ADGRL3: variants seen among roughly 807,000 people sequenced by gnomAD.
The protein encoded by ADGRL3 is adhesion G protein-coupled receptor L3.
A neutral mutation model predicts 153.5 loss-of-function variants in ADGRL3; 62 were observed. That is an observed-to-expected ratio of 0.40 (90% CI 0.33 to 0.50). The LOEUF is 0.50. Ranked by LOEUF, ADGRL3 falls within the 20% of genes least tolerant of loss-of-function variation. The pLI is 0.47. For missense variants in ADGRL3, 1,641 were observed against 1,859.4 expected, an observed-to-expected ratio of 0.88 and a Z score of 2.16; for synonymous variants, 710 against 672.5, an observed-to-expected ratio of 1.06 and a Z score of -0.86.
At chr4:61,303,995 T>C (rs143799917) in intron 1 of ADGRL3, among the ~76,000 whole-genome samples, 8 of 152,326 alleles carry the variant, frequency 5.3e-5, no homozygotes, top group African/African-American at 1.9e-4. Flanking sequence ...ATAGATACCT[T>C]GTTTTTTCAA....
intron 9 of ADGRL3, among the ~76,000 whole-genome samples, chr4:61,860,900 C>T (rs914730569): frequency 6.6e-6 from 1 of 152,148 alleles, no homozygotes; most frequent in African/African-American, 2.4e-5. Context: ...AGTGATAGAG[C>T]CAGGATAGGA....
chr4:61,778,853 T>C (rs1561235838), intron 8 of ADGRL3, among the ~76,000 whole-genome samples: 2 of 151,456 alleles, frequency 1.3e-5, no homozygotes, highest in Non-Finnish European at 2.9e-5. Flanking sequence ...AGGTCAGGAG[T>C]TCAAGACCAG....
chr4:61,716,535 T>C (rs1217052364), intron 6 of ADGRL3, among the ~76,000 whole-genome samples: 1 of 152,150 alleles, frequency 6.6e-6, no homozygotes, highest in African/African-American at 2.4e-5. Flanking sequence ...ATAATTTTTC[T>C]GGTAGTAAAT....
chr4:61,523,824 A>G (rs1436398330), intron 4 of ADGRL3, among the ~76,000 whole-genome samples: 1 of 152,056 alleles, frequency 6.6e-6, no homozygotes, highest in Non-Finnish European at 1.5e-5. Context: ...TACAATTTAT[A>G]TTCCCTCTTT....
intron 4 of ADGRL3, among the ~76,000 whole-genome samples, chr4:61,580,485 A>G (rs2098919757): frequency 6.6e-6 from 1 of 152,084 alleles, no homozygotes. Context: ...TTCAGTGTCA[A>G]TTCTTTAAAC....
intron 5 of ADGRL3, among the ~76,000 whole-genome samples, chr4:61,665,676 T>C (rs1470407309): frequency 6.6e-6 from 1 of 152,188 alleles, no homozygotes. Context: ...TAAGAAACTT[T>C]TATTTACATT....
chr4:61,381,597 G>A (rs1376216523), intron 1 of ADGRL3, among the ~76,000 whole-genome samples: 1 of 151,650 alleles, frequency 6.6e-6, no homozygotes, highest in Admixed American at 6.6e-5. Context: ...AGTCATGCTT[G>A]GATGTCAGAA....
At chr4:61,853,209 C>A (rs890137758) in intron 9 of ADGRL3, among the ~76,000 whole-genome samples, 1 of 152,052 alleles carries the variant, frequency 6.6e-6, no homozygotes, top group Admixed American at 6.6e-5. Flanking sequence ...CCATTAGAGG[C>A]CCCACTTTGG....
At chr4:61,726,649 C>T (rs1166357778) in intron 6 of ADGRL3, among the ~76,000 whole-genome samples, 2 of 151,982 alleles carry the variant, frequency 1.3e-5, no homozygotes, top group Non-Finnish European at 2.9e-5. Context: ...CCCAACTGCC[C>T]AGCTGCCATG....
chr4:61,240,864 A>G (rs1292122233), intron 1 of ADGRL3, among the ~76,000 whole-genome samples: 3 of 152,068 alleles, frequency 2.0e-5, no homozygotes, highest in Admixed American at 6.6e-5. Context: ...GGGACATAGG[A>G]CATGCTTGAT....
At chr4:61,863,948 C>G (rs2098375347) in intron 9 of ADGRL3, among the ~76,000 whole-genome samples, 1 of 152,106 alleles carries the variant, frequency 6.6e-6, no homozygotes, top group Non-Finnish European at 1.5e-5. Flanking sequence ...AAGGTTTGGT[C>G]AGAATTGATT....
chr4:61,297,390 C>T (rs1008645526), intron 1 of ADGRL3, among the ~76,000 whole-genome samples: 2 of 152,048 alleles, frequency 1.3e-5, no homozygotes, highest in Non-Finnish European at 2.9e-5. Flanking sequence ...TTGCCGATTT[C>T]AGTCTTTATC....
chr4:61,577,730 T>C (rs1327971556), intron 4 of ADGRL3, among the ~76,000 whole-genome samples: 1 of 151,656 alleles, frequency 6.6e-6, no homozygotes, highest in Non-Finnish European at 1.5e-5. Flanking sequence ...GGAGGATCAC[T>C]TGAGACCAGG....
chr4:61,516,962 T>C (rs1229450245), intron 3 of ADGRL3, among the ~76,000 whole-genome samples: 1 of 152,100 alleles, frequency 6.6e-6, no homozygotes, highest in Non-Finnish European at 1.5e-5. Flanking sequence ...TTAATTTACA[T>C]TAGAGTGCTG....
At chr4:61,743,667 C>T (rs1425745822) in intron 8 of ADGRL3, among the ~76,000 whole-genome samples, 1 of 152,110 alleles carries the variant, frequency 6.6e-6, no homozygotes, top group Non-Finnish European at 1.5e-5. Flanking sequence ...CCACTGAGGG[C>T]CATGGGTAGT....
At chr4:61,294,058 C>T (rs533627973) in intron 1 of ADGRL3, among the ~76,000 whole-genome samples, 12 of 152,262 alleles carry the variant, frequency 7.9e-5, no homozygotes, top group South Asian at 4.1e-4. Flanking sequence ...TATAATGCCA[C>T]GAAAGTATAC....
chr4:62,017,352 A>C (rs1048240819), intron 21 of ADGRL3, among the ~76,000 whole-genome samples: 6 of 151,910 alleles, frequency 3.9e-5, no homozygotes, highest in Non-Finnish European at 7.4e-5. Context: ...AAGTTAAGGA[A>C]ACTACTATAT....
chr4:62,070,948 C>A lies in ADGRL3; in HGVS notation c.*40C>A. The stretch of plus-strand genomic sequence containing the variant: ...ATTGGAACCAACAAAACTGCTAACA[C>A]CTTGTTGACTGTTCTGAGTTGATAT... On this transcript the variant is annotated 3_prime_UTR_variant, in exon 27 of 27. Transcript: ENST00000683033. 6.9e-7 allele frequency: 1 copy of A among 1,459,788 alleles called. No individual in the cohort carries two copies. Among genetic ancestry groups the A allele is most frequent in the Non-Finnish European group, 9.2e-7 (1 of 1,082,030 alleles). The allele number at this position is 1,459,788 out of a possible 1,614,324, so 90.4% of individuals were successfully genotyped here.
intron 1 of ADGRL3, among the ~76,000 whole-genome samples, chr4:61,216,884 T>C (rs1458889319): frequency 3.9e-5 from 6 of 152,236 alleles, no homozygotes; most frequent in Non-Finnish European, 8.8e-5. Context: ...ATAAAACTTA[T>C]TGCACACTGT....
Sources: allele counts gnomAD v4.1 joint callset (sites outside exome capture counted in the v4.1 genomes callset), GRCh38; gene constraint gnomAD v4.1.1; transcripts MANE v1.5; gene names NCBI Gene and HGNC (gene_info 2026-07-23, HGNC 2026-07-21).